The following MIB1 variants were observed in gnomAD, a reference collection of about 807,000 sequenced individuals.
MIB1 encodes E3 ubiquitin-protein ligase MIB1.
In MIB1, 278 loss-of-function variants were observed where a neutral mutation model predicts 124.5. The ratio of observed to expected loss-of-function variants is 2.23; its 90% CI spans 2.02 to 2.47. The LOEUF is 2.47. Among genes scored for constraint, MIB1 ranks in the 30% most tolerant of loss-of-function variants. The probability of loss-of-function intolerance (pLI) is 0.00; values close to 1 mark genes in which losing one functional copy is unlikely to be tolerated. For synonymous variants in MIB1, 446 were observed against 429.4 expected (o/e 1.04, Z -0.48); for missense variants, 957 against 1,254.4 (o/e 0.76, Z 3.58).
chr18:21,743,407 G>A (rs2040878059), intron 1 of MIB1, among the ~76,000 whole-genome samples: 2 of 152,272 alleles, frequency 1.3e-5, no homozygotes, highest in African/African-American at 2.4e-5. Flanking sequence ...ATCGATGGGC[G>A]TTTTATTATT....
In MIB1 at chr18:21,706,387, C is replaced by T. The variant is rs2040629776; in HGVS notation, n.167+1264C>T. Among the ~76,000 whole-genome samples the T allele has an allele frequency of 3.9e-5, 6 of 152,304 alleles. No individual in the cohort carries two copies. The South Asian group carries it at 1.2e-3, about 32-fold the overall frequency. ...CAGCCCTCGCTCGCTCTCAGCACCT[C>T]CTCAGGCCAGGGCATCCACTCTGGC... is the stretch of plus-strand genomic sequence containing the variant. On this transcript the variant is annotated intron_variant and non_coding_transcript_variant, in intron 1 of 20. Transcript: ENST00000578646.
Position 21,741,623 on chromosome 18 carries a change from GT to G in MIB1, c.42del (p.Gly15AlafsTer4). ...GAATAACCGGGTGATGGTGGAAGGG[GT>G]TGGCGCTCGGGTAGTGCGCGGCCCG... is the stretch of plus-strand genomic sequence containing the variant. ...SRNNRVMVEG[V>X]GARVVRGPDW... On this transcript the variant is annotated frameshift_variant, in exon 1 of 21. Coordinates refer to ENST00000261537, the MANE Select transcript of MIB1 (RefSeq NM_020774.4). LOFTEE classifies it high-confidence loss of function. The surrounding 1 kb of genome is among the most constrained non-coding windows in gnomAD (Gnocchi z 5.4). 1 of 1,605,156 alleles carries G rather than the reference GT, an allele frequency of 6.2e-7. No individual in the cohort carries two copies. Among genetic ancestry groups the G allele is most frequent in the Non-Finnish European group, 8.5e-7 (1 of 1,176,938 alleles).
intron 17 of MIB1, among the ~76,000 whole-genome samples, chr18:21,851,357 A>C (rs1284172714): frequency 6.6e-6 from 1 of 152,174 alleles, no homozygotes; most frequent in Non-Finnish European, 1.5e-5. Context: ...GAATATAGTT[A>C]TTCTGAGAAT....
At chr18:21,724,727 AATATATATATATATATAT>A (rs60650753) in intron 1 of MIB1, among the ~76,000 whole-genome samples, 225 of 17,390 alleles carry the variant, frequency 0.013, 10 homozygotes, top group African/African-American at 0.039. Flanking sequence ...AAAAAAAAAA[AATATATATATATATATAT>A]ATATATATAT....
At chr18:21,828,713 A>G (rs2041949935) in intron 12 of MIB1, 1 of 192,112 alleles carries the variant, frequency 5.2e-6, no homozygotes, top group Non-Finnish European at 1.1e-5. Context: ...AAATTTTAAT[A>G]ATGAGAGTGC....
intron 1 of MIB1, among the ~76,000 whole-genome samples, chr18:21,735,038 G>C (rs2040789852): frequency 6.6e-6 from 1 of 152,226 alleles, no homozygotes; most frequent in South Asian, 2.1e-4. Context: ...AGAGTGGAAT[G>C]GCTGGATCAT....
At chr18:21,752,015 A>G (rs1467651392) in intron 1 of MIB1, among the ~76,000 whole-genome samples, 1 of 152,156 alleles carries the variant, frequency 6.6e-6, no homozygotes, top group East Asian at 1.9e-4. Flanking sequence ...CAGGTAGTTT[A>G]TTATATATAA....
chr18:21,721,996 T>C (rs1352669647), intron 1 of MIB1, among the ~76,000 whole-genome samples: 1 of 152,186 alleles, frequency 6.6e-6, no homozygotes, highest in Non-Finnish European at 1.5e-5. Flanking sequence ...TCATTGCATT[T>C]ACTTGTCATG....
chr18:21,712,318 T>A (rs1173769640), intron 1 of MIB1, among the ~76,000 whole-genome samples: 1 of 152,176 alleles, frequency 6.6e-6, no homozygotes, highest in Non-Finnish European at 1.5e-5. Flanking sequence ...CCCCCAGTGA[T>A]CTCTGCCTCC....
chr18:21,791,457 C>T lies in MIB1; in HGVS notation c.992C>T (p.Ser331Leu), dbSNP rs1363410355. ...GCTCAGGGTGCAGAAGGAGGCACCTCGCAGTTTCAAGTGGGTGATCTTGTA... is the reference window on the plus strand; with the variant it reads ...GCTCAGGGTGCAGAAGGAGGCACCTTGCAGTTTCAAGTGGGTGATCTTGTA... ...DAAQGAEGGTSQFQVGDLVQV... is the reference protein window; with the variant it reads ...DAAQGAEGGTLQFQVGDLVQV... Residue 331 changes from serine (S) to leucine (L), a missense_variant, in exon 7 of 21, where the codon TCG becomes TTG. By Grantham distance (145) the Ser-to-Leu change is moderately radical (BLOSUM62 -2). Transcript: ENST00000261537. The T allele has an allele frequency of 3.6e-5, 58 of 1,613,914 alleles. No individual in the cohort carries two copies. Among genetic ancestry groups the T allele is most frequent in the Non-Finnish European group, 4.6e-5 (54 of 1,179,958 alleles).
chr18:21,715,610 A>T (rs761236533), intron 1 of MIB1, among the ~76,000 whole-genome samples: 24 of 149,968 alleles, frequency 1.6e-4, no homozygotes, highest in Admixed American at 8.7e-4. Flanking sequence ...TAAGGAAATT[A>T]AAAAAAAAAT....
chr18:21,833,638 A>G (rs950239201), intron 12 of MIB1, among the ~76,000 whole-genome samples: 3 of 152,140 alleles, frequency 2.0e-5, no homozygotes, highest in African/African-American at 7.2e-5. Context: ...CTGCCTCTGA[A>G]GAAAGATTGC....
At chr18:21,863,133 A>G (rs2042290804) in intron 20 of MIB1, among the ~76,000 whole-genome samples, 1 of 152,188 alleles carries the variant, frequency 6.6e-6, no homozygotes, top group South Asian at 2.1e-4. Flanking sequence ...GAGGGAGCAC[A>G]TGAACGAGCA....
At chr18:21,797,286 C>T (rs1458492569) in intron 7 of MIB1, among the ~76,000 whole-genome samples, 1 of 151,962 alleles carries the variant, frequency 6.6e-6, no homozygotes, top group Non-Finnish European at 1.5e-5. Context: ...TTGATGGGTA[C>T]ATGAGGATTC....
intron 1 of MIB1, among the ~76,000 whole-genome samples, chr18:21,714,181 G>A (rs1370857294): frequency 1.3e-5 from 2 of 152,124 alleles, no homozygotes; most frequent in African/African-American, 4.8e-5. Context: ...TGGCCAAATC[G>A]CCCAAAGCCA....
In MIB1 at chr18:21,768,697, G is replaced by T; in HGVS notation, c.476G>T (p.Arg159Leu). Residue 159 changes from arginine (R) to leucine (L), a missense_variant, in exon 3 of 21, where the codon CGA becomes CTA. Arg to Leu is a moderately radical substitution (Grantham distance 102, BLOSUM62 -2). Transcript: ENST00000261537. ...ATCTTTGCAGGTGCCAGAGTGGTGC[G>T]AGGAGTGGACTGGCAGTGGGAAGAT... ...RGIFAGARVV[R>L]GVDWQWEDQD... 2 of 1,610,582 alleles carry T rather than the reference G, an allele frequency of 1.2e-6. No homozygotes were observed. The highest frequency in any genetic ancestry group is 2.2e-5 in the East Asian group (1 of 44,774).
rs915996326 is a variant in MIB1 at position 21,865,852 on chromosome 18, T to C, written c.*1186T>C. 6.6e-6 allele frequency: 1 copy of C among 152,464 alleles called. No individual in the cohort carries two copies. Among genetic ancestry groups the C allele is most frequent in the Non-Finnish European group, 1.5e-5 (1 of 68,028 alleles). The allele number at this position is 152,464 out of a possible 1,614,324, so 9.4% of individuals were successfully genotyped here. On this transcript the variant is annotated 3_prime_UTR_variant, in exon 21 of 21. Coordinates refer to ENST00000261537, the MANE Select transcript of MIB1 (RefSeq NM_020774.4). ...TGGTCAATAACCTAATTATAAATAC[T>C]TTAGAAAGAGTGACCAGGACATGTA...
intron 10 of MIB1, among the ~76,000 whole-genome samples, chr18:21,808,781 T>C (rs2041737711): frequency 1.3e-5 from 2 of 152,186 alleles, no homozygotes; most frequent in Non-Finnish European, 2.9e-5. Flanking sequence ...TGCCGTGGAC[T>C]CTATTTTTTT....
intron 6 of MIB1, among the ~76,000 whole-genome samples, chr18:21,791,157 G>A (rs961841612): frequency 6.6e-6 from 1 of 151,534 alleles, no homozygotes; most frequent in African/African-American, 2.4e-5. Flanking sequence ...ACTCCAGCCT[G>A]GGTGACAGAG....
Sources: allele counts gnomAD v4.1 joint callset (sites outside exome capture counted in the v4.1 genomes callset), GRCh38; gene constraint gnomAD v4.1.1; non-coding constraint Gnocchi (gnomAD v3.1); transcripts MANE v1.5; gene names NCBI Gene and HGNC (gene_info 2026-07-23, HGNC 2026-07-21).